Variants in TTC29 observed in about 807,000 individuals in gnomAD.
The protein encoded by TTC29 is tetratricopeptide repeat protein 29.
A neutral mutation model predicts 58.1 loss-of-function variants in TTC29; 49 were observed. The observed-to-expected ratio is 0.84, with a 90% confidence interval of 0.67 to 1.07. The LOEUF (loss-of-function observed/expected upper bound fraction) is 1.07. Among genes scored for constraint, TTC29 ranks in the 50% least tolerant of loss-of-function variants. The pLI, the probability that TTC29 is intolerant of heterozygous loss-of-function variation, is 0.00. For missense variants in TTC29, 582 were observed against 555.6 expected (o/e 1.05, Z -0.48); for synonymous variants, 209 against 196.8 (o/e 1.06, Z -0.52).
intron 6 of TTC29, among the ~76,000 whole-genome samples, chr4:146,888,959 A>G (rs1186878392): frequency 6.6e-6 from 1 of 152,170 alleles, no homozygotes; most frequent in African/African-American, 2.4e-5. Flanking sequence ...GCAGTGTCAA[A>G]AGAGAGTCTA....
At chr4:146,853,907 C>G (rs1334420645) in intron 8 of TTC29, among the ~76,000 whole-genome samples, 1 of 152,056 alleles carries the variant, frequency 6.6e-6, no homozygotes, top group African/African-American at 2.4e-5. Flanking sequence ...CTCAGGCCAG[C>G]ACCTGGGATC....
At chr4:146,787,897 CT>C (rs11427951) in intron 11 of TTC29, among the ~76,000 whole-genome samples, 13 of 148,950 alleles carry the variant, frequency 8.7e-5, no homozygotes, top group Non-Finnish European at 1.6e-4. Flanking sequence ...AATCTGCCCC[CT>C]TTTTTTTTTA....
chr4:146,892,485 G>A (rs533121222), intron 6 of TTC29, among the ~76,000 whole-genome samples: 48 of 152,138 alleles, frequency 3.2e-4, no homozygotes, highest in African/African-American at 1.1e-3. Context: ...ATTCAACAAC[G>A]CTTCATGCTA....
At chr4:146,915,922 T>C (rs897325087) in intron 4 of TTC29, among the ~76,000 whole-genome samples, 2 of 151,890 alleles carry the variant, frequency 1.3e-5, no homozygotes, top group African/African-American at 2.4e-5. Flanking sequence ...TCAAAAGATA[T>C]GTAACATCTA....
At chr4:146,744,425 G>A (rs1745391888) in intron 11 of TTC29, among the ~76,000 whole-genome samples, 1 of 152,118 alleles carries the variant, frequency 6.6e-6, no homozygotes, top group African/African-American at 2.4e-5. Flanking sequence ...GTGGGAGGCA[G>A]AGAAGAAAGA....
At chr4:146,728,660 C>A (rs7698090) in intron 11 of TTC29, among the ~76,000 whole-genome samples, 130,582 of 146,874 alleles carry the variant, frequency 0.89, 58,267 homozygotes, top group South Asian at 0.97. Context: ...CTCTCTCTCT[C>A]TATATATATA....
At chr4:146,790,524 A>ATT (rs201865801) in intron 11 of TTC29, among the ~76,000 whole-genome samples, 1 of 145,952 alleles carries the variant, frequency 6.9e-6, no homozygotes. Flanking sequence ...TACCTGCTTT[A>ATT]TTTTTTTTTT....
chr4:146,810,588 C>CTTTTTTT (rs398051307), intron 10 of TTC29, among the ~76,000 whole-genome samples: 1 of 96,314 alleles, frequency 1.0e-5, no homozygotes, highest in Non-Finnish European at 2.0e-5. Context: ...TACATACCTT[C>CTTTTTTT]TTTTTTTTTT....
At chr4:146,943,169 C>CTTTTTTTT (rs61184684) in intron 2 of TTC29, among the ~76,000 whole-genome samples, 1 of 59,474 alleles carries the variant, frequency 1.7e-5, no homozygotes, top group African/African-American at 4.6e-5. Flanking sequence ...ATCAACTGTG[C>CTTTTTTTT]TTTTTTTTTT....
At chr4:146,945,455 T>C (rs1299444580) in intron 1 of TTC29, 2 of 152,234 alleles carry the variant, frequency 1.3e-5, no homozygotes, top group East Asian at 3.9e-4. Context: ...AAAGGACTTA[T>C]CCTATGCCTA....
At chr4:146,882,661 C>A (rs1330114198) in intron 6 of TTC29, among the ~76,000 whole-genome samples, 1 of 152,010 alleles carries the variant, frequency 6.6e-6, no homozygotes, top group Admixed American at 6.6e-5. Context: ...AAAGCACACT[C>A]AATTTGATTT....
In TTC29 at chr4:146,928,315, C is replaced by T. The variant is rs1028716509; in HGVS notation, c.176+9279G>A. ...GGGAAAGTTACTTAGTATCTCTGTG[C>T]ATCAATTTTTAGCTGTAAATTGAAC... On this transcript the variant is annotated intron_variant, in intron 4 of 12. Coordinates refer to ENST00000325106, the MANE Select transcript of TTC29 (RefSeq NM_031956.4). Among the ~76,000 whole-genome samples the T allele has an allele frequency of 4.6e-5, 7 of 152,122 alleles. No individual in the cohort carries two copies. In the East Asian group the frequency reaches 1.3e-3, roughly 29 times the overall value.
chr4:146,879,221 G>A (rs1731464990), intron 6 of TTC29, among the ~76,000 whole-genome samples: 1 of 152,094 alleles, frequency 6.6e-6, no homozygotes. Flanking sequence ...CATATATTAT[G>A]ATATAGTAGA....
intron 11 of TTC29, among the ~76,000 whole-genome samples, chr4:146,760,504 T>A (rs978344237): frequency 6.6e-6 from 1 of 151,228 alleles, no homozygotes; most frequent in Admixed American, 6.6e-5. Flanking sequence ...AAAGTACAAA[T>A]CTAGAGGCAT....
intron 10 of TTC29, among the ~76,000 whole-genome samples, chr4:146,819,612 T>C (rs1751680577): frequency 6.6e-6 from 1 of 152,224 alleles, no homozygotes; most frequent in African/African-American, 2.4e-5. Flanking sequence ...TTTGTTCTTC[T>C]TCCTGTTTTC....
At chr4:146,773,223 C>T (rs964052552) in intron 11 of TTC29, among the ~76,000 whole-genome samples, 1 of 151,946 alleles carries the variant, frequency 6.6e-6, no homozygotes, top group Non-Finnish European at 1.5e-5. Context: ...TTCTCTTGCC[C>T]TATTGCTCTG....
chr4:146,721,398 A>G (rs1438815948), intron 11 of TTC29, among the ~76,000 whole-genome samples: 1 of 152,192 alleles, frequency 6.6e-6, no homozygotes, highest in Non-Finnish European at 1.5e-5. Flanking sequence ...TTTTATGGTT[A>G]GAATTTTAGT....
intron 11 of TTC29, among the ~76,000 whole-genome samples, chr4:146,789,705 C>T (rs951577748): frequency 2.6e-5 from 4 of 151,994 alleles, no homozygotes; most frequent in African/African-American, 4.8e-5. Context: ...GTACTTCACA[C>T]ATAGTAAGTT....
At chr4:146,718,177 A>G (rs1245848290) in intron 11 of TTC29, among the ~76,000 whole-genome samples, 3 of 152,206 alleles carry the variant, frequency 2.0e-5, no homozygotes, top group South Asian at 4.1e-4. Flanking sequence ...TAGTGCTGCA[A>G]TGAACATGGG....
Sources: gnomAD v4.1 joint callset for allele counts (sites outside exome capture counted in the v4.1 genomes callset) on GRCh38, gnomAD v4.1.1 for gene constraint, MANE v1.5 for transcripts, NCBI Gene and HGNC (gene_info 2026-07-23, HGNC 2026-07-21) for gene names.